Variants in EDA observed in about 807,000 individuals in gnomAD.
The protein encoded by EDA is ectodysplasin A.
A neutral mutation model predicts 23.6 loss-of-function variants in EDA; 2 were observed. The observed-to-expected ratio is 0.08, with a 90% CI of 0.03 to 0.27. The LOEUF is 0.27. Among genes scored for constraint, EDA ranks in the 10% least tolerant of loss-of-function variants. The pLI, the probability that EDA is intolerant of heterozygous loss-of-function variation, is 1.00. For missense variants in EDA, 229 were observed against 324.2 expected (o/e 0.71, Z 2.26); for synonymous variants, 131 against 132.0 (o/e 0.99, Z 0.05).
intron 1 of EDA, among the ~76,000 whole-genome samples, chrX:69,759,433 T>A (rs1569321564): frequency 9.0e-6 from 1 of 111,013 alleles, no homozygotes; most frequent in African/African-American, 3.3e-5. Context: ...TTTTTTACTT[T>A]AAAAAAAAAT....
intron 1 of EDA, among the ~76,000 whole-genome samples, chrX:69,815,038 G>A (rs754010958): frequency 8.9e-6 from 1 of 112,078 alleles, no homozygotes; most frequent in South Asian, 3.8e-4. Context: ...AATCCAGGGA[G>A]CCAAGCAACG....
intron 1 of EDA, among the ~76,000 whole-genome samples, chrX:69,932,888 C>T (rs2018618439): frequency 9.0e-6 from 1 of 110,663 alleles, no homozygotes; most frequent in Non-Finnish European, 1.9e-5. Flanking sequence ...CTATAACTCA[C>T]TTATACTATC....
chrX:69,945,776 C>T (rs753663775), intron 1 of EDA, among the ~76,000 whole-genome samples: 1 of 111,935 alleles, frequency 8.9e-6, no homozygotes, highest in East Asian at 2.8e-4. Context: ...AAGCAAGAGT[C>T]AGGAATTTTC....
At chrX:69,777,307 T>G (rs2014816887) in intron 1 of EDA, among the ~76,000 whole-genome samples, 1 of 110,698 alleles carries the variant, frequency 9.0e-6, no homozygotes, top group Non-Finnish European at 1.9e-5. Context: ...AGCCCTTTGG[T>G]AGAATGGCCA....
In EDA at chrX:69,682,568, G is replaced by T. The variant is rs747095082; in HGVS notation, c.396+65864G>T. On this transcript the variant is annotated intron_variant, in intron 1 of 7. Transcript: ENST00000374552. ...CTCGGAAATGCGCAGTATTCGGGTG[G>T]GAGTGACCCGATTTTCCAGGTGCCG... 6.2e-5 allele frequency among the ~76,000 whole-genome samples: 7 copies of T among 112,084 alleles called. No individual in the cohort carries two copies. In the South Asian group the frequency reaches 1.9e-3, roughly 30 times the overall value.
At chrX:69,662,510 ACCTC>A (rs1377898198) in intron 1 of EDA, among the ~76,000 whole-genome samples, 2 of 111,533 alleles carry the variant, frequency 1.8e-5, no homozygotes, top group African/African-American at 6.5e-5. Context: ...AGTCCATTAA[ACCTC>A]TTTCCTTTAT....
intron 1 of EDA, among the ~76,000 whole-genome samples, chrX:69,681,753 T>C (rs1409467842): frequency 9.0e-6 from 1 of 111,129 alleles, no homozygotes; most frequent in East Asian, 2.8e-4. Flanking sequence ...TCAACTTCTT[T>C]GCCTTTGTTT....
chrX:69,816,393 C>G (rs2016083097), intron 1 of EDA, among the ~76,000 whole-genome samples: 2 of 111,212 alleles, frequency 1.8e-5, no homozygotes, highest in Non-Finnish European at 3.8e-5. Flanking sequence ...TAATAATGAA[C>G]TTCGCTGAGC....
At chrX:69,889,021 T>TATATATATATA (rs58327577) in intron 1 of EDA, among the ~76,000 whole-genome samples, 218 of 73,415 alleles carry the variant, frequency 3.0e-3, no homozygotes, top group East Asian at 4.2e-3. Flanking sequence ...TATATATATA[T>TATATATATATA]TATGTTTTTC....
chrX:69,854,260 C>G (rs1482876234), intron 1 of EDA, among the ~76,000 whole-genome samples: 1 of 110,698 alleles, frequency 9.0e-6, no homozygotes, highest in Non-Finnish European at 1.9e-5. Context: ...GTGATACCAT[C>G]TCAGCTCAAT....
At chrX:69,957,199 A>G in intron 2 of EDA, 67 bp downstream of exon 2, 4 of 1,052,946 alleles carry the variant, frequency 3.8e-6, no homozygotes, top group Non-Finnish European at 4.0e-6. Flanking sequence ...CCTTTTAAGA[A>G]CTACCTTCTT....
chrX:69,982,448 T>C (rs1401194599), intron 2 of EDA, among the ~76,000 whole-genome samples: 2 of 111,301 alleles, frequency 1.8e-5, no homozygotes, highest in Admixed American at 1.9e-4. Flanking sequence ...CCAGTGAAAT[T>C]GGGAAAGGCA....
chrX:69,903,795 ATG>A (rs1387059026), intron 1 of EDA, among the ~76,000 whole-genome samples: 4 of 110,515 alleles, frequency 3.6e-5, no homozygotes, highest in Non-Finnish European at 7.6e-5. Flanking sequence ...AGTTGTACAT[ATG>A]TATGGGGTAC....
At chrX:69,921,331 GAC>G (rs1209199008) in intron 1 of EDA, among the ~76,000 whole-genome samples, 1 of 111,480 alleles carries the variant, frequency 9.0e-6, no homozygotes, top group Non-Finnish European at 1.9e-5. Context: ...CTTCTCAGCT[GAC>G]AGAGGAAGAA....
chrX:69,776,202 A>G (rs1246699582), intron 1 of EDA, among the ~76,000 whole-genome samples: 1 of 112,089 alleles, frequency 8.9e-6, no homozygotes, highest in Non-Finnish European at 1.9e-5. Context: ...GCAGGGGCTC[A>G]ATTTGATGCC....
intron 1 of EDA, among the ~76,000 whole-genome samples, chrX:69,811,660 G>A (rs1341391080): frequency 1.8e-5 from 2 of 112,134 alleles, no homozygotes; most frequent in Non-Finnish European, 3.8e-5. Flanking sequence ...CACCCAAAAT[G>A]TGGTTTGGAT....
At chrX:69,886,081 A>C (rs1426348674) in intron 1 of EDA, among the ~76,000 whole-genome samples, 1 of 112,085 alleles carries the variant, frequency 8.9e-6, no homozygotes, top group Non-Finnish European at 1.9e-5. Flanking sequence ...TCCCATCTTC[A>C]GCCTCACCCA....
chrX:69,958,262 A>C (rs1379062897), intron 2 of EDA, among the ~76,000 whole-genome samples: 1 of 112,457 alleles, frequency 8.9e-6, no homozygotes, highest in East Asian at 2.8e-4. Context: ...TCTGGATTCA[A>C]AGACAGCATG....
At chrX:69,933,133 G>A (rs1363761683) in intron 1 of EDA, among the ~76,000 whole-genome samples, 3 of 110,881 alleles carry the variant, frequency 2.7e-5, no homozygotes, top group Non-Finnish European at 3.8e-5. Context: ...TAATGTTTAT[G>A]TTTTGCTCTA....
Sources: gnomAD v4.1 joint callset for allele counts (sites outside exome capture counted in the v4.1 genomes callset) on GRCh38, gnomAD v4.1.1 for gene constraint, MANE v1.5 for transcripts, NCBI Gene and HGNC (gene_info 2026-07-23, HGNC 2026-07-21) for gene names.